Variants in TMIGD3 observed in about 807,000 individuals in gnomAD.
TMIGD3 encodes the protein transmembrane and immunoglobulin domain containing 3.
In TMIGD3, 21 loss-of-function variants were observed where a neutral mutation model predicts 28.1. The ratio of observed to expected loss-of-function variants is 0.75; its 90% CI spans 0.53 to 1.08. The LOEUF is 1.08. Ranked by LOEUF, TMIGD3 falls within the 50% of genes least tolerant of loss-of-function variation. The pLI is 0.00. For missense variants in TMIGD3, 416 were observed against 435.6 expected, an observed-to-expected ratio of 0.96 and a Z score of 0.40; for synonymous variants, 151 against 162.1, an observed-to-expected ratio of 0.93 and a Z score of 0.52.
chr1:111,531,650 C>T (rs1451851098), intron 1 of TMIGD3, among the ~76,000 whole-genome samples: 2 of 152,098 alleles, frequency 1.3e-5, no homozygotes, highest in Non-Finnish European at 2.9e-5. Context: ...GATTGGATGG[C>T]AGGCCTTGTG....
intron 1 of TMIGD3, 29 bp downstream of exon 1, chr1:111,502,976 A>G (rs1390271227): frequency 2.2e-5 from 36 of 1,605,792 alleles, no homozygotes; most frequent in Non-Finnish European, 2.8e-5. Flanking sequence ...AGCTGCCTCA[A>G]TTGCTGCCCA....
Position 111,540,336 on chromosome 1 carries a change from T to C in TMIGD3, c.107+23510A>G, listed in dbSNP as rs76296694. On this transcript the variant is annotated intron_variant, in intron 1 of 5. Coordinates refer to the TMIGD3 transcript ENST00000369717. ...GCTCACGTGTACGTGATATCACTTA[T>C]CTGCTGCTTCATCTCCTTGGCATGG... is the stretch of plus-strand genomic sequence containing the variant. Among the ~76,000 whole-genome samples, 1,166 of 152,376 alleles carry C rather than the reference T, an allele frequency of 7.7e-3. 11 individuals are homozygous for C. Among genetic ancestry groups the C allele is most frequent in the African/African-American group, 0.027 (1,111 of 41,584 alleles).
At chr1:111,502,889 C>A (rs1322722018) in intron 1 of TMIGD3, 116 bp downstream of exon 1, 1 of 1,321,906 alleles carries the variant, frequency 7.6e-7, no homozygotes, top group Admixed American at 2.4e-5. Context: ...TTATTGCCCT[C>A]TTTCAACATC....
At chr1:111,561,406 G>A (rs1030709795) in intron 1 of TMIGD3, among the ~76,000 whole-genome samples, 3 of 152,214 alleles carry the variant, frequency 2.0e-5, no homozygotes, top group Non-Finnish European at 1.5e-5. Context: ...ACAGGCGTGA[G>A]CCACCGTGCC....
chr1:111,544,479 A>G (rs1304546016), intron 1 of TMIGD3, among the ~76,000 whole-genome samples: 1 of 152,086 alleles, frequency 6.6e-6, no homozygotes, highest in African/African-American at 2.4e-5. Flanking sequence ...TGTCTAACTT[A>G]TTTCTTTCAG....
At chr1:111,546,178 A>G (rs1018345251) in intron 1 of TMIGD3, among the ~76,000 whole-genome samples, 2 of 152,168 alleles carry the variant, frequency 1.3e-5, no homozygotes, top group African/African-American at 2.4e-5. Flanking sequence ...TTGAATTTTT[A>G]TAAGTTTTAC....
intron 1 of TMIGD3, among the ~76,000 whole-genome samples, chr1:111,556,269 G>A (rs1247245064): frequency 6.6e-6 from 1 of 152,150 alleles, no homozygotes; most frequent in Non-Finnish European, 1.5e-5. Context: ...CACTCACACA[G>A]ATAACAAGTA....
chr1:111,508,307 A>G (rs888920780), upstream of TMIGD3, among the ~76,000 whole-genome samples: 14 of 152,214 alleles, frequency 9.2e-5, no homozygotes, highest in Admixed American at 2.0e-4. Flanking sequence ...GCTGCCGGAG[A>G]CTTAGCACGG....
chr1:111,548,385 G>A (rs572662348), intron 1 of TMIGD3, among the ~76,000 whole-genome samples: 5 of 152,192 alleles, frequency 3.3e-5, no homozygotes, highest in Non-Finnish European at 7.3e-5. Context: ...GATCATACTG[G>A]TAAAACTATA....
chr1:111,485,708 G>GCCCC, intron 5 of TMIGD3, 32 bp downstream of exon 5: 1 of 867,090 alleles, frequency 1.2e-6, no homozygotes, highest in South Asian at 1.4e-5. Context: ...TCTAATTCTT[G>GCCCC]CCCACCCCCT....
chr1:111,549,118 TGGATATTG>T (rs1304964500), intron 1 of TMIGD3, among the ~76,000 whole-genome samples: 2 of 152,316 alleles, frequency 1.3e-5, no homozygotes, highest in East Asian at 3.9e-4. Context: ...ATATTCACAA[TGGATATTG>T]GTCTGTTATT....
chr1:111,486,761 T>G, intron 3 of TMIGD3, 109 bp from the exon 4 acceptor site: 1 of 917,684 alleles, frequency 1.1e-6, no homozygotes, highest in South Asian at 1.4e-5. Flanking sequence ...GTGAGTCCCC[T>G]GGTTGACTCC....
upstream of TMIGD3, among the ~76,000 whole-genome samples, chr1:111,507,903 C>T (rs761338181): frequency 5.9e-5 from 9 of 152,248 alleles, no homozygotes; most frequent in Non-Finnish European, 1.3e-4. Flanking sequence ...CCGGGCTCTG[C>T]CTCTCCATCA....
chr1:111,529,883 G>C (rs1215349888), intron 1 of TMIGD3, among the ~76,000 whole-genome samples: 2 of 151,818 alleles, frequency 1.3e-5, no homozygotes, highest in African/African-American at 4.8e-5. Context: ...GAGCTGTTGG[G>C]TACACCTCCC....
chr1:111,547,120 A>G (rs1657060810), intron 1 of TMIGD3, among the ~76,000 whole-genome samples: 1 of 152,172 alleles, frequency 6.6e-6, no homozygotes, highest in Non-Finnish European at 1.5e-5. Flanking sequence ...TTGGTCTTGT[A>G]TCCTTCAACT....
intron 1 of TMIGD3, among the ~76,000 whole-genome samples, chr1:111,515,630 G>A (rs1655835997): frequency 6.6e-6 from 1 of 152,236 alleles, no homozygotes; most frequent in South Asian, 2.1e-4. Context: ...CCTGAGCCTG[G>A]GAAGGAGGAC....
At chr1:111,517,187 C>T (rs959227462) in intron 1 of TMIGD3, among the ~76,000 whole-genome samples, 1 of 152,222 alleles carries the variant, frequency 6.6e-6, no homozygotes, top group African/African-American at 2.4e-5. Flanking sequence ...GAGGAACCCT[C>T]GATAAAGTCT....
upstream of TMIGD3, chr1:111,504,793 G>T: frequency 1.1e-6 from 1 of 886,954 alleles, no homozygotes; most frequent in African/African-American, 1.8e-5. Context: ...ATCTGCTCTG[G>T]CATCATTCAT....
At position 111,490,777 on chromosome 1, in the gene TMIGD3, CAG is replaced by C. The variant is rs752776278; in HGVS notation, c.351-17_351-16del. ...GAATTCTGAATCTGTTTAAGGGAAA[CAG>C]ATATGCTTGAGCTTAATATGGCTTT... On this transcript the variant is annotated splice_polypyrimidine_tract_variant and intron_variant, in intron 1 of 5. Coordinates refer to ENST00000369716, the MANE Select transcript of TMIGD3 (RefSeq NM_020683.7). 3.8e-6 allele frequency: 6 copies of C among 1,586,850 alleles called. No individual in the cohort carries two copies. In the East Asian group the frequency reaches 6.7e-5, roughly 18 times the overall value.
Sources: gnomAD v4.1 joint callset for allele counts (sites outside exome capture counted in the v4.1 genomes callset) on GRCh38, gnomAD v4.1.1 for gene constraint, MANE v1.5 for transcripts, NCBI Gene and HGNC (gene_info 2026-07-23, HGNC 2026-07-21) for gene names.